Variants in FRMD4A observed in about 807,000 individuals in gnomAD.
FRMD4A encodes the protein FERM domain containing 4A.
In FRMD4A, 29 loss-of-function variants were observed where a neutral mutation model predicts 129.1. That is an observed-to-expected ratio of 0.22 (90% CI 0.17 to 0.31). FRMD4A has a LOEUF of 0.31. Ranked by LOEUF, FRMD4A falls within the 10% of genes least tolerant of loss-of-function variation. The pLI, the probability that FRMD4A is intolerant of heterozygous loss-of-function variation, is 1.00. For synonymous variants in FRMD4A, 634 were observed against 571.6 expected (o/e 1.11, Z -1.56); for missense variants, 1,272 against 1,375.8 (o/e 0.92, Z 1.19).
At chr10:14,026,497 G>T (rs1206146922) in intron 2 of FRMD4A, among the ~76,000 whole-genome samples, 1 of 152,206 alleles carries the variant, frequency 6.6e-6, no homozygotes, top group Non-Finnish European at 1.5e-5. Flanking sequence ...TCTAATGGAA[G>T]AATTAGAGCG....
chr10:14,070,235 A>T (rs911454514), intron 2 of FRMD4A, among the ~76,000 whole-genome samples: 2 of 151,644 alleles, frequency 1.3e-5, no homozygotes, highest in Non-Finnish European at 2.9e-5. Context: ...GACCCCTGTG[A>T]GGTGTAATCC....
intron 2 of FRMD4A, among the ~76,000 whole-genome samples, chr10:14,270,224 C>G (rs553037377): frequency 1.3e-5 from 2 of 152,316 alleles, no homozygotes; most frequent in East Asian, 1.9e-4. Context: ...TGCAGACAGC[C>G]CATCATGGGA....
At chr10:14,218,383 G>T (rs903707312) in intron 2 of FRMD4A, among the ~76,000 whole-genome samples, 1 of 152,210 alleles carries the variant, frequency 6.6e-6, no homozygotes, top group Non-Finnish European at 1.5e-5. Context: ...ACTCAAAACA[G>T]CTGAGGTATC....
intron 21 of FRMD4A, 120 bp from the exon 22 acceptor site, chr10:13,657,642 C>T: frequency 7.3e-7 from 1 of 1,367,926 alleles, no homozygotes; most frequent in South Asian, 1.6e-5. Context: ...CAGGCCCCAG[C>T]CCAGCAAGCC....
At chr10:14,221,723 TA>T (rs1315879126) in intron 2 of FRMD4A, among the ~76,000 whole-genome samples, 3 of 4,930 alleles carry the variant, frequency 6.1e-4, no homozygotes, top group African/African-American at 9.0e-4. Flanking sequence ...CCACGCCGGG[TA>T]ATTTTTTTTT....
chr10:13,712,279 T>C (rs1159347996), intron 12 of FRMD4A, among the ~76,000 whole-genome samples: 1 of 152,172 alleles, frequency 6.6e-6, no homozygotes, highest in East Asian at 1.9e-4. Flanking sequence ...CCCAACACTT[T>C]GGGAGGCCAA....
chr10:13,722,668 T>C (rs1355446743), intron 12 of FRMD4A, among the ~76,000 whole-genome samples: 5 of 152,208 alleles, frequency 3.3e-5, no homozygotes, highest in African/African-American at 1.2e-4. Context: ...GATAGTAAAC[T>C]GGAAGTTCTG....
chr10:14,079,268 C>T (rs948793495), intron 2 of FRMD4A, among the ~76,000 whole-genome samples: 10 of 152,240 alleles, frequency 6.6e-5, no homozygotes, highest in African/African-American at 2.2e-4. Flanking sequence ...GGGATCTGCT[C>T]TTAGCCTCTT....
chr10:13,680,228 G>C (rs1159401192), intron 15 of FRMD4A, among the ~76,000 whole-genome samples: 1 of 152,102 alleles, frequency 6.6e-6, no homozygotes, highest in East Asian at 1.9e-4. Flanking sequence ...AGGCCAAGGA[G>C]GGAGCATCCC....
At chr10:14,145,294 A>C (rs1451613284) in intron 2 of FRMD4A, among the ~76,000 whole-genome samples, 1 of 152,206 alleles carries the variant, frequency 6.6e-6, no homozygotes, top group African/African-American at 2.4e-5. Context: ...AACCTCCCCC[A>C]GATCAAACTC....
At chr10:13,684,780 C>G (rs2084925704) in intron 15 of FRMD4A, 4 of 983,444 alleles carry the variant, frequency 4.1e-6, no homozygotes, top group Middle Eastern at 5.2e-4. Flanking sequence ...GGAGGGGAAA[C>G]TTCAAAGCAA....
chr10:14,206,346 A>G (rs12265348), intron 2 of FRMD4A, among the ~76,000 whole-genome samples: 14,929 of 152,182 alleles, frequency 0.098, 1,555 homozygotes, highest in African/African-American at 0.26. Flanking sequence ...GGTTAAAACA[A>G]AAAAACGCAA....
chr10:14,120,196 G>A (rs1423477855), intron 2 of FRMD4A, among the ~76,000 whole-genome samples: 1 of 151,832 alleles, frequency 6.6e-6, no homozygotes, highest in Admixed American at 6.6e-5. Context: ...TCGGCCTACC[G>A]ACATCTGTTT....
chr10:14,037,407 G>T (rs565002776), intron 2 of FRMD4A, among the ~76,000 whole-genome samples: 2 of 152,076 alleles, frequency 1.3e-5, no homozygotes, highest in Non-Finnish European at 2.9e-5. Context: ...TAGTAGAGAC[G>T]GGGGTTTGCC....
intron 3 of FRMD4A, among the ~76,000 whole-genome samples, chr10:13,822,048 G>A (rs1199732116): frequency 6.7e-6 from 1 of 150,356 alleles, no homozygotes; most frequent in African/African-American, 2.4e-5. Flanking sequence ...AAATGGAAAC[G>A]ATATATATAT....
chr10:14,310,574 C>T (rs2132104576), intron 2 of FRMD4A, among the ~76,000 whole-genome samples: 1 of 152,308 alleles, frequency 6.6e-6, no homozygotes, highest in Middle Eastern at 3.4e-3. Context: ...TCCATCCTCC[C>T]TTTTCTTTGT....
intron 20 of FRMD4A, among the ~76,000 whole-genome samples, 180 bp from the exon 21 acceptor site, chr10:13,659,670 C>G (rs1044628534): frequency 6.6e-6 from 1 of 152,028 alleles, no homozygotes; most frequent in Admixed American, 6.5e-5. Flanking sequence ...ATGCCCTCCC[C>G]CCTCCCAACC....
Position 14,043,562 on chromosome 10 carries a change from C to T in FRMD4A, c.46-184650G>A, listed in dbSNP as rs11258818. ...CTCCTGTCCTCTCACTGTCTGGAAA[C>T]TTGTCCACTCTGATGAGGATTTCTC... On this transcript the variant is annotated intron_variant, in intron 2 of 24. Transcript: ENST00000357447. Among the ~76,000 whole-genome samples the T allele has an allele frequency of 5.0e-3, 760 of 152,264 alleles. 4 individuals carry two copies. The highest frequency in any genetic ancestry group is 0.017 in the African/African-American group (699 of 41,560).
intron 2 of FRMD4A, among the ~76,000 whole-genome samples, chr10:14,051,843 T>C (rs1033642888): frequency 6.6e-6 from 1 of 152,236 alleles, no homozygotes; most frequent in South Asian, 2.1e-4. Flanking sequence ...AGGTAGCTGC[T>C]GAGAGATCCA....
Sources: allele counts gnomAD v4.1 joint callset (sites outside exome capture counted in the v4.1 genomes callset), GRCh38; gene constraint gnomAD v4.1.1; transcripts MANE v1.5; gene names NCBI Gene and HGNC (gene_info 2026-07-23, HGNC 2026-07-21).